Variants in MEIS2 observed in about 807,000 individuals in gnomAD.
MEIS2 encodes the protein Meis homeobox 2, also known as homeobox protein Meis2.
A neutral mutation model predicts 58.6 loss-of-function variants in MEIS2; 9 were observed. The ratio of observed to expected loss-of-function variants is 0.15; its 90% CI spans 0.09 to 0.27. The LOEUF (loss-of-function observed/expected upper bound fraction) is 0.27, where lower values mean the gene tolerates loss of function less well. MEIS2 is among the 10% of genes least tolerant of loss of function. The pLI is 1.00. For missense variants in MEIS2, 427 were observed against 635.0 expected (o/e 0.67, Z 3.52); for synonymous variants, 221 against 228.4 (o/e 0.97, Z 0.29).
chr15:36,893,287 G>A (rs897824093), intron 11 of MEIS2, among the ~76,000 whole-genome samples: 41 of 152,184 alleles, frequency 2.7e-4, no homozygotes, highest in African/African-American at 9.4e-4. Context: ...GATCTAAAAG[G>A]ACAGCTTTAT....
chr15:37,035,111 C>T (rs576653052), intron 8 of MEIS2, among the ~76,000 whole-genome samples: 1 of 152,126 alleles, frequency 6.6e-6, no homozygotes, highest in South Asian at 2.1e-4. Flanking sequence ...AGGGAGGGAA[C>T]CAAACAGGTG....
chr15:37,083,843 G>A lies in MEIS2; in HGVS notation c.682C>T (p.His228Tyr), dbSNP rs147874392. Residue 228 changes from histidine (H) to tyrosine (Y), a missense_variant, in exon 7 of 12, where the codon CAC (histidine) becomes TAC (tyrosine). By Grantham distance (83) the His-to-Tyr change is moderately conservative. Transcript: ENST00000561208. ...WRDHDDATST[H>Y]SAGTPGPSSG... ...GAGGGCCCTGGGGTGCCTGCTGAGTGGGTTGAGGTTGCATCATCGTGGTCT... is the reference window on the plus strand; with the variant it reads ...GAGGGCCCTGGGGTGCCTGCTGAGTAGGTTGAGGTTGCATCATCGTGGTCT... 9 of 1,613,924 alleles carry A rather than the reference G, an allele frequency of 5.6e-6. No individual in the cohort carries two copies. The African/African-American group carries it at 1.2e-4, about 22-fold the overall frequency.
At chr15:36,920,542 C>T (rs1182423460) in intron 9 of MEIS2, among the ~76,000 whole-genome samples, 1 of 152,206 alleles carries the variant, frequency 6.6e-6, no homozygotes, top group Non-Finnish European at 1.5e-5. Flanking sequence ...ACCTGTTTCA[C>T]TGATAAATAA....
chr15:37,084,803 A>C (rs898452608), intron 6 of MEIS2, among the ~76,000 whole-genome samples: 1 of 152,204 alleles, frequency 6.6e-6, no homozygotes, highest in Admixed American at 6.5e-5. Flanking sequence ...TACAGGAAGG[A>C]CTTTATCAGC....
At chr15:36,955,301 A>G (rs1024836078) in intron 8 of MEIS2, among the ~76,000 whole-genome samples, 2 of 152,112 alleles carry the variant, frequency 1.3e-5, no homozygotes, top group Non-Finnish European at 2.9e-5. Context: ...TCCCATAGCA[A>G]TTTACTTGGT....
At chr15:36,918,859 G>A (rs1394598781) in intron 9 of MEIS2, among the ~76,000 whole-genome samples, 2 of 152,206 alleles carry the variant, frequency 1.3e-5, no homozygotes, top group African/African-American at 4.8e-5. Flanking sequence ...AAGTTAGGTG[G>A]TAAGTTTGAA....
At chr15:37,011,474 A>G (rs1259562594) in intron 8 of MEIS2, among the ~76,000 whole-genome samples, 1 of 152,180 alleles carries the variant, frequency 6.6e-6, no homozygotes, top group South Asian at 2.1e-4. Context: ...TTCTTGATTA[A>G]TGAAAGTGTG....
intron 9 of MEIS2, chr15:36,901,250 G>A (rs183044655): frequency 9.9e-5 from 15 of 152,270 alleles, no homozygotes; most frequent in African/African-American, 3.6e-4. Flanking sequence ...CTCCTGGCTG[G>A]TGTTTCAAAT....
chr15:37,064,713 A>ATGGAT (rs1889690583), intron 7 of MEIS2, among the ~76,000 whole-genome samples: 1 of 152,170 alleles, frequency 6.6e-6, no homozygotes, highest in African/African-American at 2.4e-5. Flanking sequence ...GCATGGGAAA[A>ATGGAT]TGGATTGGAT....
chr15:36,913,157 C>T (rs1341460928), intron 9 of MEIS2, among the ~76,000 whole-genome samples: 1 of 152,192 alleles, frequency 6.6e-6, no homozygotes, highest in Non-Finnish European at 1.5e-5. Context: ...CTTACTGCTA[C>T]CATCCAACTC....
At chr15:36,956,837 T>G (rs1287642219) in intron 8 of MEIS2, among the ~76,000 whole-genome samples, 4 of 145,916 alleles carry the variant, frequency 2.7e-5, no homozygotes, top group Non-Finnish European at 4.5e-5. Context: ...TTGGATTATG[T>G]GGACCTTTTT....
At chr15:37,030,059 A>C (rs781652225) in intron 8 of MEIS2, among the ~76,000 whole-genome samples, 4 of 152,198 alleles carry the variant, frequency 2.6e-5, no homozygotes, top group Non-Finnish European at 5.9e-5. Context: ...CAGACAGCCT[A>C]GACTTTCACA....
At chr15:37,014,198 G>A (rs529096445) in intron 8 of MEIS2, among the ~76,000 whole-genome samples, 2 of 152,278 alleles carry the variant, frequency 1.3e-5, no homozygotes, top group African/African-American at 2.4e-5. Flanking sequence ...TATGTGAAGC[G>A]TAGACCCAGT....
At chr15:37,008,313 T>G (rs2060997266) in intron 8 of MEIS2, among the ~76,000 whole-genome samples, 2 of 152,254 alleles carry the variant, frequency 1.3e-5, no homozygotes, top group Admixed American at 1.3e-4. Context: ...TAAAATGTAT[T>G]TCTACCTATT....
intron 8 of MEIS2, among the ~76,000 whole-genome samples, chr15:37,006,807 C>T (rs1427590705): frequency 6.6e-6 from 1 of 152,170 alleles, no homozygotes; most frequent in Admixed American, 6.5e-5. Flanking sequence ...TTTTTAAAGC[C>T]ATTCTGTTGT....
rs1189503392 is a variant in MEIS2 at position 36,894,795 on chromosome 15, C to T, written c.1147+356G>A. 3.1e-6 allele frequency: 5 copies of T among 1,612,986 alleles called. No individual in the cohort carries two copies. In the African/African-American group the frequency reaches 6.7e-5, roughly 22 times the overall value. Reference sequence around the variant, plus strand: ...TGCCCATCCATGCCCATATTCATGCCCATTCCACTCATAGGTCCTAGAAAG... The same window carrying T: ...TGCCCATCCATGCCCATATTCATGCTCATTCCACTCATAGGTCCTAGAAAG... On this transcript the variant is annotated intron_variant, in intron 11 of 11. Transcript: ENST00000561208.
chr15:37,087,215 G>A (rs751480363), intron 6 of MEIS2, among the ~76,000 whole-genome samples: 5 of 152,138 alleles, frequency 3.3e-5, no homozygotes, highest in Non-Finnish European at 7.3e-5. Context: ...GAAGACACCC[G>A]AGGGCAAGGA....
chr15:37,099,520 C>T lies in MEIS2; in HGVS notation c.-54G>A. Reference sequence around the variant, plus strand: ...GTGTCGTATATTTAATATCCCAGTCCGGATAAGAAAGTGATCTAGGCTGAA... The same window carrying T: ...GTGTCGTATATTTAATATCCCAGTCTGGATAAGAAAGTGATCTAGGCTGAA... On this transcript the variant is annotated 5_prime_UTR_variant, in exon 1 of 12. Transcript: ENST00000561208. 2 of 1,610,854 alleles carry T rather than the reference C, an allele frequency of 1.2e-6. No individual in the cohort carries two copies. The highest frequency in any genetic ancestry group is 1.1e-5 in the South Asian group (1 of 90,348).
chr15:36,966,005 A>C (rs1424593366), intron 8 of MEIS2, among the ~76,000 whole-genome samples: 1 of 152,248 alleles, frequency 6.6e-6, no homozygotes, highest in Non-Finnish European at 1.5e-5. Flanking sequence ...AAATCTCTGG[A>C]GAAACTCTAT....
Sources: allele counts gnomAD v4.1 joint callset (sites outside exome capture counted in the v4.1 genomes callset), GRCh38; gene constraint gnomAD v4.1.1; transcripts MANE v1.5; gene names NCBI Gene and HGNC (gene_info 2026-07-23, HGNC 2026-07-21).